Variants in CNTNAP2 observed in about 807,000 individuals in gnomAD.
CNTNAP2 encodes the protein contactin-associated protein-like 2.
In CNTNAP2, 98 loss-of-function variants were observed where a neutral mutation model predicts 155.2. The ratio of observed to expected loss-of-function variants is 0.63; its 90% CI spans 0.54 to 0.75. The LOEUF (loss-of-function observed/expected upper bound fraction) is 0.75, where lower values mean the gene tolerates loss of function less well. Ranked by LOEUF, CNTNAP2 falls within the 30% of genes least tolerant of loss-of-function variation. CNTNAP2 has a pLI of 0.00. For synonymous variants in CNTNAP2, 651 were observed against 631.2 expected (o/e 1.03, Z -0.47); for missense variants, 1,727 against 1,688.1 (o/e 1.02, Z -0.40).
chr7:146,610,969 A>G (rs1799127193), intron 1 of CNTNAP2, among the ~76,000 whole-genome samples: 1 of 152,238 alleles, frequency 6.6e-6, no homozygotes, highest in Non-Finnish European at 1.5e-5. Context: ...TGGGATTTGA[A>G]TCTGAAATTT....
intron 3 of CNTNAP2, among the ~76,000 whole-genome samples, chr7:146,861,961 T>TGA (rs2129205317): frequency 6.6e-6 from 1 of 152,272 alleles, no homozygotes; most frequent in African/African-American, 2.4e-5. Flanking sequence ...TTGGCAATTG[T>TGA]ATAACCACTG....
rs367751600 is a variant in CNTNAP2 at position 147,426,523 on chromosome 7, A to C, written c.1670+30743A>C. 4.6e-5 allele frequency among the ~76,000 whole-genome samples: 7 copies of C among 152,130 alleles called. No individual in the cohort carries two copies. In the East Asian group the frequency reaches 7.7e-4, roughly 17 times the overall value. On this transcript the variant is annotated intron_variant, in intron 10 of 23. Transcript: ENST00000361727. ...CGAGCAAAGATTTCTTTCAATTTCT[A>C]TTCTAGGAGTTTGTACTTTTTCTAA... is the stretch of plus-strand genomic sequence containing the variant.
At chr7:148,070,280 A>C (rs543877354) in intron 15 of CNTNAP2, among the ~76,000 whole-genome samples, 2 of 152,282 alleles carry the variant, frequency 1.3e-5, no homozygotes, top group Non-Finnish European at 2.9e-5. Flanking sequence ...ATCCTCTGAA[A>C]TAGACATTGC....
chr7:146,664,105 C>T (rs375370988), intron 1 of CNTNAP2, among the ~76,000 whole-genome samples: 3 of 148,358 alleles, frequency 2.0e-5, no homozygotes, highest in Admixed American at 6.8e-5. Context: ...TTTTATCATG[C>T]GTAAAGATGA....
At chr7:146,804,311 T>G (rs1000585016) in intron 2 of CNTNAP2, among the ~76,000 whole-genome samples, 1 of 152,194 alleles carries the variant, frequency 6.6e-6, no homozygotes, top group African/African-American at 2.4e-5. Context: ...TTAAGCTTAT[T>G]GATCATGCTC....
intron 3 of CNTNAP2, among the ~76,000 whole-genome samples, chr7:146,967,551 A>G (rs1797682831): frequency 6.6e-6 from 1 of 152,230 alleles, no homozygotes; most frequent in South Asian, 2.1e-4. Context: ...ATTCCTAGGT[A>G]TTTTATTCTC....
chr7:147,277,888 C>G (rs925998833), intron 8 of CNTNAP2, among the ~76,000 whole-genome samples: 1 of 151,486 alleles, frequency 6.6e-6, no homozygotes, highest in Non-Finnish European at 1.5e-5. Flanking sequence ...ATTCAAACTT[C>G]TTAATTTGAA....
chr7:147,464,146 C>A (rs1798071698), intron 10 of CNTNAP2, among the ~76,000 whole-genome samples: 1 of 152,008 alleles, frequency 6.6e-6, no homozygotes. Context: ...TGATTCTCCA[C>A]TGTAACTTAT....
At chr7:147,350,714 T>C (rs895015984) in intron 9 of CNTNAP2, among the ~76,000 whole-genome samples, 3 of 151,830 alleles carry the variant, frequency 2.0e-5, no homozygotes, top group Non-Finnish European at 4.4e-5. Flanking sequence ...GAAAACAATA[T>C]ACTGCAGACA....
intron 8 of CNTNAP2, among the ~76,000 whole-genome samples, chr7:147,256,387 G>T (rs1804328094): frequency 6.6e-6 from 1 of 152,118 alleles, no homozygotes; most frequent in Non-Finnish European, 1.5e-5. Context: ...TTCATTTAGG[G>T]ACATTTAACA....
At chr7:146,277,654 A>T (rs1481242533) in intron 1 of CNTNAP2, among the ~76,000 whole-genome samples, 1 of 152,166 alleles carries the variant, frequency 6.6e-6, no homozygotes, top group African/African-American at 2.4e-5. Flanking sequence ...TATTTGTTTA[A>T]TCTTACAGGA....
chr7:146,573,976 C>T lies in CNTNAP2; in HGVS notation c.98-200295C>T, dbSNP rs1798482231. On this transcript the variant is annotated intron_variant, in intron 1 of 23. Coordinates refer to ENST00000361727, the MANE Select transcript of CNTNAP2 (RefSeq NM_014141.6). The stretch of plus-strand genomic sequence containing the variant: ...ATAACATTAGATGTTATTATGTTGT[C>T]TTAATTGTTTGTATCTGGAAACTTT... Among the ~76,000 whole-genome samples, 14 of 152,156 alleles carry T rather than the reference C, an allele frequency of 9.2e-5. 2 individuals are homozygous for T. In the South Asian group the frequency reaches 2.9e-3, roughly 32 times the overall value.
At chr7:146,828,236 A>G (rs1233854169) in intron 2 of CNTNAP2, among the ~76,000 whole-genome samples, 1 of 152,118 alleles carries the variant, frequency 6.6e-6, no homozygotes, top group Non-Finnish European at 1.5e-5. Context: ...GTCAAGTGTT[A>G]CTTAGCTGAA....
intron 1 of CNTNAP2, among the ~76,000 whole-genome samples, chr7:146,408,817 A>C (rs1795828537): frequency 6.6e-6 from 1 of 152,116 alleles, no homozygotes; most frequent in African/African-American, 2.4e-5. Context: ...GCATGGAAGC[A>C]TCTATGTAGA....
intron 10 of CNTNAP2, among the ~76,000 whole-genome samples, chr7:147,473,358 A>G (rs554058440): frequency 6.6e-6 from 1 of 152,254 alleles, no homozygotes; most frequent in Admixed American, 6.5e-5. Context: ...ATTCTGGAAA[A>G]GTGTAAGTTG....
intron 11 of CNTNAP2, among the ~76,000 whole-genome samples, chr7:147,491,919 A>C (rs1798615888): frequency 6.6e-6 from 1 of 152,224 alleles, no homozygotes; most frequent in Non-Finnish European, 1.5e-5. Context: ...TTAGCAAAAA[A>C]AATCTACATA....
chr7:147,260,847 C>T (rs1804448486), intron 8 of CNTNAP2, among the ~76,000 whole-genome samples: 1 of 152,146 alleles, frequency 6.6e-6, no homozygotes, highest in Non-Finnish European at 1.5e-5. Context: ...GGTTCCTGGA[C>T]CAGCTGCATC....
intron 1 of CNTNAP2, among the ~76,000 whole-genome samples, chr7:146,429,549 A>G (rs1796141945): frequency 6.6e-6 from 1 of 152,136 alleles, no homozygotes. Context: ...GTGCATAGCA[A>G]TGCTAGAAAC....
chr7:147,188,541 T>C (rs2116517182), intron 8 of CNTNAP2, among the ~76,000 whole-genome samples: 1 of 152,310 alleles, frequency 6.6e-6, no homozygotes, highest in East Asian at 1.9e-4. Context: ...AGATTGGGCT[T>C]CTGTAAATGC....
Sources: allele counts gnomAD v4.1 joint callset (sites outside exome capture counted in the v4.1 genomes callset), GRCh38; gene constraint gnomAD v4.1.1; transcripts MANE v1.5; gene names NCBI Gene and HGNC (gene_info 2026-07-23, HGNC 2026-07-21).